CAPN13: variants seen among roughly 807,000 people sequenced by gnomAD.
The protein encoded by CAPN13 is calpain 13.
CAPN13 carries 90 observed loss-of-function variants against 98.4 expected under a neutral mutation model. The ratio of observed to expected loss-of-function variants is 0.92; its 90% CI spans 0.77 to 1.09. The LOEUF (loss-of-function observed/expected upper bound fraction) is 1.09, where lower values mean the gene tolerates loss of function less well. CAPN13 is among the 50% of genes least tolerant of loss of function. The pLI, the probability that CAPN13 is intolerant of heterozygous loss-of-function variation, is 0.00. For synonymous variants in CAPN13, 330 were observed against 305.5 expected, an observed-to-expected ratio of 1.08 and a Z score of -0.84; for missense variants, 887 against 841.3, an observed-to-expected ratio of 1.05 and a Z score of -0.67.
At chr2:30,758,596 C>T (rs576566430) in intron 7 of CAPN13, among the ~76,000 whole-genome samples, 44 of 152,240 alleles carry the variant, frequency 2.9e-4, no homozygotes, top group East Asian at 9.7e-4. Flanking sequence ...ACAGCACTGT[C>T]GTGAGTGAGG....
At chr2:30,737,486 G>T (rs1671432515) in intron 17 of CAPN13, 1 of 152,454 alleles carries the variant, frequency 6.6e-6, no homozygotes, top group Non-Finnish European at 1.5e-5. Flanking sequence ...ACTGGGGAAT[G>T]GAAATCAGGA....
chr2:30,795,807 G>A (rs914969145), intron 1 of CAPN13, among the ~76,000 whole-genome samples: 2 of 151,832 alleles, frequency 1.3e-5, no homozygotes, highest in African/African-American at 4.8e-5. Flanking sequence ...TTTATAAATT[G>A]AGCCAATATT....
Position 30,751,225 on chromosome 2 carries a change from T to C in CAPN13, c.1114A>G (p.Asn372Asp). The change falls in exon 11 of 23, where the codon AAC (asparagine) becomes GAC (aspartate). Residue 372 changes from asparagine to aspartate, a missense_variant. Transcript: ENST00000295055. ...TCCATTGGCTCTTGCACAGAGAAGT[T>C]GAATTGAGCATCATTCCGAGGTCCT... is the stretch of plus-strand genomic sequence containing the variant. ...AGGPRNDAQFNFSVQEPMEGT... is the reference protein window; with the variant it reads ...AGGPRNDAQFDFSVQEPMEGT... The C allele has an allele frequency of 6.2e-7, 1 of 1,613,928 alleles. No individual in the cohort carries two copies. The highest frequency in any genetic ancestry group is 1.3e-5 in the African/African-American group (1 of 75,030).
chr2:30,784,026 AAAAATTAGCCAGGCATGGT>A (rs1674129425), intron 2 of CAPN13, among the ~76,000 whole-genome samples: 1 of 152,086 alleles, frequency 6.6e-6, no homozygotes, highest in Non-Finnish European at 1.5e-5. Flanking sequence ...ACTAAAGTAC[AAAAATTAGCCAGGCATGGT>A]GGCTCATGCC....
At chr2:30,732,260 G>T (rs1474170734) in intron 20 of CAPN13, among the ~76,000 whole-genome samples, 178 bp downstream of exon 20, 4 of 152,126 alleles carry the variant, frequency 2.6e-5, no homozygotes, top group African/African-American at 9.7e-5. Flanking sequence ...GGGAGAGGGG[G>T]GTGCGGAGGG....
At chr2:30,737,363 G>A (rs1188792493) in intron 17 of CAPN13, 1 of 152,518 alleles carries the variant, frequency 6.6e-6, no homozygotes, top group African/African-American at 2.4e-5. Flanking sequence ...TGCGTCTCAG[G>A]AGACAGCACA....
intron 1 of CAPN13, among the ~76,000 whole-genome samples, chr2:30,799,109 C>T (rs1404913532): frequency 6.7e-6 from 1 of 149,010 alleles, no homozygotes; most frequent in Non-Finnish European, 1.5e-5. Context: ...GAGAATGAAG[C>T]AGAGAGAGAG....
chr2:30,750,985 G>T, intron 11 of CAPN13, 118 bp downstream of exon 11: 2 of 1,165,372 alleles, frequency 1.7e-6, no homozygotes, highest in East Asian at 5.1e-5. Flanking sequence ...GCCTCTTTGG[G>T]CTTTATCTCC....
chr2:30,805,922 A>G (rs754741461), intron 1 of CAPN13, among the ~76,000 whole-genome samples: 4 of 151,634 alleles, frequency 2.6e-5, no homozygotes, highest in African/African-American at 9.7e-5. Context: ...ACATGTAGCT[A>G]ATATTTTTTC....
chr2:30,753,424 C>T (rs1672280806), intron 9 of CAPN13, among the ~76,000 whole-genome samples: 1 of 152,188 alleles, frequency 6.6e-6, no homozygotes, highest in African/African-American at 2.4e-5. Context: ...CACCTGGCAG[C>T]AGCTTTATCA....
intron 1 of CAPN13, among the ~76,000 whole-genome samples, chr2:30,800,160 GA>G (rs768368474): frequency 1.3e-5 from 2 of 150,944 alleles, no homozygotes; most frequent in African/African-American, 2.4e-5. Flanking sequence ...AAGAAAGAAA[GA>G]AAGAAAGAAA....
intron 1 of CAPN13, among the ~76,000 whole-genome samples, chr2:30,788,116 A>G (rs17010291): frequency 0.037 from 5,620 of 152,246 alleles, 345 homozygotes; most frequent in African/African-American, 0.13. Flanking sequence ...AACGAAGAAA[A>G]GATAGTGCAG....
chr2:30,727,925 T>C (rs955340539), intron 22 of CAPN13, among the ~76,000 whole-genome samples: 1 of 151,740 alleles, frequency 6.6e-6, no homozygotes, highest in African/African-American at 2.4e-5. Flanking sequence ...AACTGAGGAA[T>C]AGATGAAAAA....
At chr2:30,780,418 A>G (rs1407360049) in intron 2 of CAPN13, among the ~76,000 whole-genome samples, 1 of 152,272 alleles carries the variant, frequency 6.6e-6, no homozygotes, top group African/African-American at 2.4e-5. Flanking sequence ...ATAGTTTCAC[A>G]TCAGACATCT....
chr2:30,729,441 A>G (rs555402342), intron 22 of CAPN13: 3 of 152,260 alleles, frequency 2.0e-5, no homozygotes, highest in Non-Finnish European at 4.4e-5. Flanking sequence ...AGGTAGTAAG[A>G]GAGAATCCAG....
intron 8 of CAPN13, among the ~76,000 whole-genome samples, 200 bp from the exon 9 acceptor site, chr2:30,754,564 C>A (rs1324135878): frequency 6.6e-6 from 1 of 152,176 alleles, no homozygotes; most frequent in African/African-American, 2.4e-5. Context: ...GGTCTTCTTT[C>A]CTGAAGTCCA....
rs1260876993 is a variant in CAPN13 at position 30,736,526 on chromosome 2, AC to A, written c.1698del (p.Trp567GlyfsTer22). The A allele has an allele frequency of 1.9e-6, 3 of 1,614,016 alleles. No individual in the cohort carries two copies. On this transcript the variant is annotated frameshift_variant, in exon 18 of 23. Coordinates refer to ENST00000295055, the MANE Select transcript of CAPN13 (RefSeq NM_144575.3). LOFTEE classifies it high-confidence loss of function. ...GRLDQEEFAR[L>X]WKRLVHYQHV... ...ACCTGGTAGTGAACAAGGCGCTTCC[AC>A]AGTCGCGCAAACTCCTCTTGGTCTA...
At chr2:30,730,584 G>T (rs1671033998) in intron 22 of CAPN13, 146 bp downstream of exon 22, 1 of 558,600 alleles carries the variant, frequency 1.8e-6, no homozygotes. Context: ...CAAGGGCCTT[G>T]AGCAGCTAAG....
intron 18 of CAPN13, 58 bp downstream of exon 18, chr2:30,736,445 G>A (rs898457402): frequency 2.9e-5 from 45 of 1,559,102 alleles, no homozygotes; most frequent in Middle Eastern, 1.7e-4. Flanking sequence ...TAGACACCCA[G>A]TAAATCCTTG....
Sources: gnomAD v4.1 joint callset for allele counts (sites outside exome capture counted in the v4.1 genomes callset) on GRCh38, gnomAD v4.1.1 for gene constraint, MANE v1.5 for transcripts, NCBI Gene and HGNC (gene_info 2026-07-23, HGNC 2026-07-21) for gene names.